ACTR2: variants seen among roughly 807,000 people sequenced by gnomAD.
ACTR2 encodes the protein actin-related protein 2.
Under a neutral mutation model 50.2 loss-of-function variants are expected in ACTR2, and 5 were observed. The observed-to-expected ratio is 0.10, with a 90% confidence interval of 0.05 to 0.21. The LOEUF (loss-of-function observed/expected upper bound fraction) is 0.21. Ranked by LOEUF, ACTR2 falls within the 10% of genes least tolerant of loss-of-function variation. The probability of loss-of-function intolerance (pLI) is 1.00; values close to 1 mark genes in which losing one functional copy is unlikely to be tolerated. For missense variants in ACTR2, 180 were observed against 480.6 expected (o/e 0.37, Z 5.85); for synonymous variants, 140 against 162.9 (o/e 0.86, Z 1.07).
At chr2:65,240,547 C>A (rs1310398364) in intron 2 of ACTR2, among the ~76,000 whole-genome samples, 1 of 152,146 alleles carries the variant, frequency 6.6e-6, no homozygotes, top group Non-Finnish European at 1.5e-5. Flanking sequence ...GGAAAGTTTT[C>A]ATTGCCTACT....
intron 4 of ACTR2, among the ~76,000 whole-genome samples, chr2:65,252,652 AT>A (rs1279779326): frequency 6.6e-6 from 1 of 152,020 alleles, no homozygotes; most frequent in Non-Finnish European, 1.5e-5. Context: ...CTCAAAAAAA[AT>A]ATGTAAATAA....
intron 3 of ACTR2, 62 bp from the exon 4 acceptor site, chr2:65,250,965 A>G (rs1451272442): frequency 5.0e-6 from 6 of 1,202,218 alleles, no homozygotes; most frequent in South Asian, 1.4e-5. Context: ...CCATGAGGAA[A>G]ACATTTATTT....
At chr2:65,241,660 G>C (rs1228369283) in intron 2 of ACTR2, among the ~76,000 whole-genome samples, 1 of 152,030 alleles carries the variant, frequency 6.6e-6, no homozygotes, top group Non-Finnish European at 1.5e-5. Context: ...CTAACACTCT[G>C]CCTACTCAGC....
At chr2:65,241,849 T>G (rs1007074210) in intron 2 of ACTR2, 7 of 504,904 alleles carry the variant, frequency 1.4e-5, no homozygotes, top group African/African-American at 1.3e-4. Context: ...AATGAGTTAA[T>G]TTGCATTCAG....
intron 4 of ACTR2, among the ~76,000 whole-genome samples, chr2:65,251,900 A>G (rs1332680005): frequency 1.3e-5 from 2 of 152,084 alleles, no homozygotes; most frequent in African/African-American, 4.8e-5. Flanking sequence ...TTTATTGGAA[A>G]TAAAATATTG....
intron 3 of ACTR2, among the ~76,000 whole-genome samples, chr2:65,248,128 T>C (rs1039082702): frequency 6.6e-6 from 1 of 152,038 alleles, no homozygotes; most frequent in African/African-American, 2.4e-5. Flanking sequence ...CGGCTGGAAG[T>C]GGTGGTTCAG....
intron 2 of ACTR2, chr2:65,241,930 C>T (rs900353021): frequency 7.4e-7 from 1 of 1,347,934 alleles, no homozygotes; most frequent in African/African-American, 1.4e-5. Flanking sequence ...CATCTGACCT[C>T]AACCTAATTG....
At chr2:65,228,104 G>A in intron 1 of ACTR2, 147 bp downstream of exon 1, 1 of 653,098 alleles carries the variant, frequency 1.5e-6, no homozygotes, top group Non-Finnish European at 2.3e-6. Flanking sequence ...CGCGGGCGTG[G>A]GAGCGAGCCG....
At chr2:65,250,957 A>G in intron 3 of ACTR2, 70 bp from the exon 4 acceptor site, 1 of 1,106,442 alleles carries the variant, frequency 9.0e-7, no homozygotes, top group Non-Finnish European at 1.3e-6. Context: ...CTCTGTGACC[A>G]TGAGGAAAAC....
chr2:65,252,137 A>G (rs1672063792), intron 4 of ACTR2, among the ~76,000 whole-genome samples: 1 of 152,090 alleles, frequency 6.6e-6, no homozygotes, highest in Non-Finnish European at 1.5e-5. Context: ...TGAGGTGGGT[A>G]GGGAGGGCTC....
rs1672265222 is a variant in ACTR2, at chr2:65,261,412, T to C, written c.881+20T>C. The C allele has an allele frequency of 1.9e-6, 3 of 1,589,176 alleles. No individual in the cohort carries two copies. The highest frequency in any genetic ancestry group is 2.6e-6 in the Non-Finnish European group (3 of 1,167,818). Reference sequence around the variant, plus strand: ...TACCAGGTACATTAGAAGTGGTGATTTCAAAGTTATTTATCAGAAAAATCA... The same window carrying C: ...TACCAGGTACATTAGAAGTGGTGATCTCAAAGTTATTTATCAGAAAAATCA... On this transcript the variant is annotated intron_variant, in intron 7 of 8. Coordinates refer to ENST00000260641, the MANE Select transcript of ACTR2 (RefSeq NM_005722.4).
chr2:65,235,745 A>G (rs1671728205), intron 1 of ACTR2, among the ~76,000 whole-genome samples: 2 of 152,128 alleles, frequency 1.3e-5, no homozygotes, highest in African/African-American at 4.8e-5. Flanking sequence ...ACCGAGTGAG[A>G]CTCAGTCTCA....
intron 8 of ACTR2, among the ~76,000 whole-genome samples, chr2:65,265,768 C>T (rs72892697): frequency 1.8e-4 from 28 of 152,252 alleles, no homozygotes; most frequent in Non-Finnish European, 4.0e-4. Flanking sequence ...GTTTTTTCCA[C>T]CAGACTCTGG....
At chr2:65,265,348 G>T (rs1388002719) in intron 8 of ACTR2, 173 bp downstream of exon 8, 3 of 783,126 alleles carry the variant, frequency 3.8e-6, no homozygotes, top group Non-Finnish European at 6.2e-6. Flanking sequence ...ATAAGCTCTG[G>T]TCACCTCTAT....
At chr2:65,252,969 TTATTA>T (rs1672081333) in intron 4 of ACTR2, among the ~76,000 whole-genome samples, 1 of 152,222 alleles carries the variant, frequency 6.6e-6, no homozygotes, top group African/African-American at 2.4e-5. Context: ...ACATTGCCTT[TTATTA>T]TAAGTTCCAG....
At chr2:65,250,218 G>T (rs1383761177) in intron 3 of ACTR2, among the ~76,000 whole-genome samples, 1 of 151,654 alleles carries the variant, frequency 6.6e-6, no homozygotes, top group African/African-American at 2.4e-5. Flanking sequence ...CTAAAAATTA[G>T]CCGGGTGTGG....
chr2:65,256,260 G>A (rs1274222979), intron 6 of ACTR2, among the ~76,000 whole-genome samples: 1 of 152,142 alleles, frequency 6.6e-6, no homozygotes, highest in African/African-American at 2.4e-5. Context: ...TCAGTAGGTG[G>A]CAGCCTTTCC....
intron 2 of ACTR2, among the ~76,000 whole-genome samples, chr2:65,240,517 T>A (rs2103990356): frequency 6.6e-6 from 1 of 152,336 alleles, no homozygotes; most frequent in East Asian, 1.9e-4. Flanking sequence ...TTGGATTATG[T>A]ATCTTACCAT....
chr2:65,266,139 G>C (rs183823459), intron 8 of ACTR2, among the ~76,000 whole-genome samples: 2 of 152,156 alleles, frequency 1.3e-5, no homozygotes, highest in African/African-American at 4.8e-5. Context: ...AGGTGCCGGG[G>C]ACAAACAAAA....
Sources: allele counts gnomAD v4.1 joint callset (sites outside exome capture counted in the v4.1 genomes callset), GRCh38; gene constraint gnomAD v4.1.1; transcripts MANE v1.5; gene names NCBI Gene and HGNC (gene_info 2026-07-23, HGNC 2026-07-21).